ZPLD1: variants seen among roughly 807,000 people sequenced by gnomAD.
The protein encoded by ZPLD1 is zona pellucida-like domain-containing protein 1.
Under a neutral mutation model 47.2 loss-of-function variants are expected in ZPLD1, and 34 were observed. The observed-to-expected ratio is 0.72, with a 90% CI of 0.55 to 0.96. ZPLD1 has a LOEUF of 0.96. Among genes scored for constraint, ZPLD1 ranks in the 40% least tolerant of loss-of-function variants. The pLI is 0.00. For missense variants in ZPLD1, 512 were observed against 505.8 expected, an observed-to-expected ratio of 1.01 and a Z score of -0.12; for synonymous variants, 176 against 186.2, an observed-to-expected ratio of 0.95 and a Z score of 0.45.
intron 6 of ZPLD1, among the ~76,000 whole-genome samples, chr3:102,461,627 T>C (rs1301339162): frequency 1.3e-5 from 2 of 151,996 alleles, no homozygotes; most frequent in East Asian, 3.8e-4. Context: ...AAATGTCTCA[T>C]TTTGGTTTTC....
In ZPLD1 at chr3:102,440,036, A is replaced by G. The variant is rs142756538; in HGVS notation, c.106+1443A>G. On this transcript the variant is annotated intron_variant, in intron 3 of 11. Transcript: ENST00000466937. ...CTGCAACTCTGAGGTGTCATTGAAC[A>G]GGCTCCTTTTTCCTGTCTATCCTGT... Among the ~76,000 whole-genome samples the G allele has an allele frequency of 4.9e-3, 743 of 152,346 alleles. 6 individuals are homozygous for G. Among genetic ancestry groups the G allele is most frequent in the African/African-American group, 0.016 (657 of 41,582 alleles).
At chr3:102,393,418 G>T (rs563920983) in intron 7 of ZPLD1, among the ~76,000 whole-genome samples, 2 of 152,114 alleles carry the variant, frequency 1.3e-5, no homozygotes, top group Middle Eastern at 3.4e-3. Flanking sequence ...AACAACTCCG[G>T]ATATCCAAAC....
chr3:102,432,617 G>A (rs1175273642), upstream of ZPLD1, among the ~76,000 whole-genome samples: 1 of 152,098 alleles, frequency 6.6e-6, no homozygotes, highest in African/African-American at 2.4e-5. Context: ...TTTCGAACAT[G>A]TTCACTTTTT....
intron 6 of ZPLD1, among the ~76,000 whole-genome samples, chr3:102,386,495 A>G (rs1243073634): frequency 4.6e-5 from 7 of 152,084 alleles, no homozygotes; most frequent in Non-Finnish European, 7.4e-5. Flanking sequence ...TTATGGGAAA[A>G]TTAATTTACT....
At chr3:102,446,669 T>C (rs1707260035) in intron 3 of ZPLD1, among the ~76,000 whole-genome samples, 1 of 152,224 alleles carries the variant, frequency 6.6e-6, no homozygotes. Flanking sequence ...TGCAGTCTTC[T>C]AATCACTTCC....
chr3:102,413,762 T>C (rs889117958), intron 7 of ZPLD1, among the ~76,000 whole-genome samples: 14 of 151,724 alleles, frequency 9.2e-5, no homozygotes, highest in African/African-American at 2.9e-4. Flanking sequence ...GACTTCTAGA[T>C]AAGGTGGAAA....
At chr3:102,390,638 C>A (rs1012000287) in intron 6 of ZPLD1, among the ~76,000 whole-genome samples, 1 of 152,150 alleles carries the variant, frequency 6.6e-6, no homozygotes, top group Admixed American at 6.5e-5. Context: ...ACATGAAGTG[C>A]ATGGTTTGCT....
intron 3 of ZPLD1, 41 bp from the exon 4 acceptor site, chr3:102,452,878 T>A (rs1707358370): frequency 6.3e-7 from 1 of 1,599,002 alleles, no homozygotes. Context: ...ATCTTTCTGC[T>A]TTTCTGACTT....
At chr3:102,412,491 CT>C (rs1706757108) in intron 7 of ZPLD1, among the ~76,000 whole-genome samples, 1 of 151,464 alleles carries the variant, frequency 6.6e-6, no homozygotes, top group South Asian at 2.1e-4. Flanking sequence ...AGGATTTAAC[CT>C]ATTATAAGAA....
intron 3 of ZPLD1, among the ~76,000 whole-genome samples, chr3:102,439,526 G>T (rs544240103): frequency 5.3e-5 from 8 of 152,284 alleles, no homozygotes; most frequent in South Asian, 2.1e-4. Flanking sequence ...AGAAAAATTT[G>T]CTAAGGCAGA....
At chr3:102,433,573 G>T (rs1035661379), upstream of ZPLD1, among the ~76,000 whole-genome samples, 16 of 152,216 alleles carry the variant, frequency 1.1e-4, no homozygotes, top group African/African-American at 3.9e-4. Flanking sequence ...TGTCACCCAG[G>T]CTGGAGTGCA....
chr3:102,468,521 C>G lies in ZPLD1; in HGVS notation c.762-443C>G, dbSNP rs892774128. On this transcript the variant is annotated intron_variant, in intron 8 of 11. Transcript: ENST00000466937. ...CTAACACTGCTAAATCTTTAAAAGG[C>G]GAGGTACCACATAGTGTAGACAATA... Among the ~76,000 whole-genome samples the G allele has an allele frequency of 2.6e-5, 4 of 151,952 alleles. No individual in the cohort carries two copies. The South Asian group carries it at 6.2e-4, about 24-fold the overall frequency.
chr3:102,413,269 G>T (rs1706765947), intron 7 of ZPLD1, among the ~76,000 whole-genome samples: 1 of 151,766 alleles, frequency 6.6e-6, no homozygotes, highest in Non-Finnish European at 1.5e-5. Context: ...TGTTGTGTTT[G>T]TTTCTGGGAG....
intron 3 of ZPLD1, among the ~76,000 whole-genome samples, chr3:102,445,145 C>G (rs1208879530): frequency 6.6e-6 from 1 of 152,180 alleles, no homozygotes; most frequent in Non-Finnish European, 1.5e-5. Flanking sequence ...TATTAAACTG[C>G]TATGGTTTAC....
intron 8 of ZPLD1, among the ~76,000 whole-genome samples, chr3:102,421,659 T>G (rs570229529): frequency 6.6e-6 from 1 of 151,944 alleles, no homozygotes; most frequent in Non-Finnish European, 1.5e-5. Flanking sequence ...AAAAGGAGAC[T>G]TGGTAAAAGA....
At chr3:102,385,444 G>A (rs1706414853) in intron 6 of ZPLD1, 1 of 152,120 alleles carries the variant, frequency 6.6e-6, no homozygotes, top group African/African-American at 2.4e-5. Flanking sequence ...TGAGTAATTG[G>A]AATTCCTGGA....
At chr3:102,472,533 A>C in intron 10 of ZPLD1, among the ~76,000 whole-genome samples, 1 of 103,834 alleles carries the variant, frequency 9.6e-6, no homozygotes, top group Non-Finnish European at 2.5e-5. Context: ...CTCTGTCTCA[A>C]AAAAAAAAAA....
rs76829722 is a variant in ZPLD1 at position 102,425,915 on chromosome 3, A to G, written c.-9+7708A>G. ...AAAGTTCTATAACTTAGTTATAGTT[A>G]TAGTTATTTAGTCACTTAGATGATG... On this transcript the variant is annotated intron_variant, in intron 8 of 17. Coordinates refer to the ZPLD1 transcript ENST00000491959. Among the ~76,000 whole-genome samples, 99 of 151,094 alleles carry G rather than the reference A, an allele frequency of 6.6e-4. No homozygotes were observed. The East Asian group carries it at 0.016, about 25-fold the overall frequency.
chr3:102,475,819 A>G (rs1017424470), intron 10 of ZPLD1, among the ~76,000 whole-genome samples: 4 of 152,098 alleles, frequency 2.6e-5, no homozygotes, highest in African/African-American at 7.2e-5. Flanking sequence ...GCCAAGATTC[A>G]TGTGTCTGAA....
Sources: gnomAD v4.1 joint callset for allele counts (sites outside exome capture counted in the v4.1 genomes callset) on GRCh38, gnomAD v4.1.1 for gene constraint, MANE v1.5 for transcripts, NCBI Gene and HGNC (gene_info 2026-07-23, HGNC 2026-07-21) for gene names.